Variants in FBXO41 observed in about 807,000 individuals in gnomAD.
FBXO41 encodes F-box protein 41.
Under a neutral mutation model 81.6 loss-of-function variants are expected in FBXO41, and 33 were observed. The ratio of observed to expected loss-of-function variants is 0.40; its 90% CI spans 0.31 to 0.54. The LOEUF is 0.54. Among genes scored for constraint, FBXO41 ranks in the 20% least tolerant of loss-of-function variants. The pLI, the probability that FBXO41 is intolerant of heterozygous loss-of-function variation, is 0.39. For synonymous variants in FBXO41, 576 were observed against 552.7 expected, an observed-to-expected ratio of 1.04 and a Z score of -0.59; for missense variants, 1,107 against 1,236.0, an observed-to-expected ratio of 0.90 and a Z score of 1.56.
intron 1 of FBXO41, among the ~76,000 whole-genome samples, chr2:73,275,659 T>TATTTTTC (rs1427218029): frequency 6.6e-6 from 1 of 152,188 alleles, no homozygotes; most frequent in Non-Finnish European, 1.5e-5. Flanking sequence ...CATGGCCAAT[T>TATTTTTC]ATTTTTCATC....
rs1004673053 is a variant in FBXO41 at position 73,259,696 on chromosome 2, T to C, written c.2450-400A>G. On this transcript the variant is annotated intron_variant, in intron 11 of 12. Transcript: ENST00000520530. The surrounding 1 kb of genome is among the most constrained non-coding windows in gnomAD (Gnocchi z 4.2). ...GGGCAAATACTTGGGGACAGAGGGC[T>C]TCAGGGACTGGATATGTCGTGAAGT... 6.6e-6 allele frequency among the ~76,000 whole-genome samples: 1 copy of C among 152,078 alleles called. No individual in the cohort carries two copies. Among genetic ancestry groups the C allele is most frequent in the Non-Finnish European group, 1.5e-5 (1 of 68,014 alleles).
chr2:73,266,739 CT>C lies in FBXO41; in HGVS notation c.906-58del, dbSNP rs2103880371. The C allele has an allele frequency of 2.0e-6, 3 of 1,483,460 alleles. No individual in the cohort carries two copies. The South Asian group carries it at 4.1e-5, about 20-fold the overall frequency. The allele number at this position is 1,483,460 out of a possible 1,614,324, so 91.9% of individuals were successfully genotyped here. On this transcript the variant is annotated intron_variant, in intron 2 of 12. Transcript: ENST00000520530. The surrounding 1 kb of genome is among the most constrained non-coding windows in gnomAD (Gnocchi z 5.3). The stretch of plus-strand genomic sequence containing the variant: ...CTCAGCCTGCCTGCCCACCCACCCT[CT>C]GGAGGAGAGCCTGGCCAGTGCGGGG...
chr2:73,271,021 TCCTG>T, intron 1 of FBXO41: 1 of 468,270 alleles, frequency 2.1e-6, no homozygotes, highest in Admixed American at 2.3e-5. Context: ...TTCTGCAACT[TCCTG>T]TTCTTGCTGC....
intron 1 of FBXO41, among the ~76,000 whole-genome samples, chr2:73,276,560 CAGAGAGAGAGAGAGAG>C (rs533998261): frequency 4.7e-5 from 5 of 106,416 alleles, no homozygotes; most frequent in South Asian, 3.5e-4. Context: ...CAAATCTATT[CAGAGAGAGAGAGAGAG>C]AGAGAGAGAG....
intron 1 of FBXO41, among the ~76,000 whole-genome samples, chr2:73,279,545 G>C (rs1688788526): frequency 6.6e-6 from 1 of 152,118 alleles, no homozygotes; most frequent in African/African-American, 2.4e-5. Flanking sequence ...AGGAATGTTA[G>C]GGAAGAGAGG....
chr2:73,274,824 C>T (rs978258371), intron 1 of FBXO41, among the ~76,000 whole-genome samples: 2 of 152,120 alleles, frequency 1.3e-5, no homozygotes, highest in Non-Finnish European at 2.9e-5. Flanking sequence ...CCTCAACCTC[C>T]CAAAGTGCTG....
intron 1 of FBXO41, chr2:73,271,029 T>A: frequency 2.2e-6 from 1 of 451,294 alleles, no homozygotes; most frequent in Admixed American, 2.3e-5. Context: ...CTTCCTGTTC[T>A]TGCTGCCTTC....
intron 1 of FBXO41, among the ~76,000 whole-genome samples, chr2:73,273,450 G>A (rs1688597760): frequency 6.6e-6 from 1 of 152,090 alleles, no homozygotes; most frequent in South Asian, 2.1e-4. Flanking sequence ...TTTTCCCTTT[G>A]AGAACCATTG....
chr2:73,264,401 G>A lies in FBXO41; in HGVS notation c.1683C>T (p.Phe561=). ...LKMRAALFCI[F]TYLDTRTLLH... Reference sequence around the variant, plus strand: ...GCAGTGTGCGCGTGTCCAGGTAGGTGAAGATGCAGAAGAGGGCAGCTCGCA... The same window carrying A: ...GCAGTGTGCGCGTGTCCAGGTAGGTAAAGATGCAGAAGAGGGCAGCTCGCA... Residue 561 remains phenylalanine (F), a synonymous_variant, in exon 6 of 13, where the codon TTC becomes TTT. Coordinates refer to ENST00000520530, the MANE Select transcript of FBXO41 (RefSeq NM_001371389.2). 1 of 1,613,926 alleles carries A rather than the reference G, an allele frequency of 6.2e-7. No individual in the cohort carries two copies.
chr2:73,261,119 C>G (rs1688008274), intron 9 of FBXO41, among the ~76,000 whole-genome samples: 1 of 151,536 alleles, frequency 6.6e-6, no homozygotes, highest in Non-Finnish European at 1.5e-5. Context: ...TGCAGTGGTG[C>G]AATTTCGGCT....
At chr2:73,279,322 G>A (rs895973968) in intron 1 of FBXO41, among the ~76,000 whole-genome samples, 16 of 152,178 alleles carry the variant, frequency 1.1e-4, no homozygotes, top group Non-Finnish European at 1.2e-4. Context: ...CCAGTGGGCC[G>A]TGGAAGTAGA....
rs759766727 is a variant in FBXO41 at position 73,269,202 on chromosome 2, C to T, written c.429G>A (p.Ala143=). ...AEPGLVPAAA[A]RYALREIEIP... ...TCTCGATCTCGCGCAGCGCATAGCG[C>T]GCTGCTGCGGCGGGCACAAGGCCCG... is the stretch of plus-strand genomic sequence containing the variant. The change falls in exon 2 of 13, where the codon GCG becomes GCA. Residue 143 remains alanine (A), a synonymous_variant. Transcript: ENST00000520530. This position sits in a 1 kb window ranked among gnomAD's most constrained non-coding sequence, Gnocchi z 7.0. 26 of 1,526,124 alleles carry T rather than the reference C, an allele frequency of 1.7e-5. No individual in the cohort carries two copies. Among genetic ancestry groups the T allele is most frequent in the Non-Finnish European group, 2.0e-5 (23 of 1,139,086 alleles). The allele number at this position is 1,526,124 out of a possible 1,614,324, so 94.5% of individuals were successfully genotyped here.
In FBXO41 at chr2:73,260,277, C is replaced by T; in HGVS notation, c.2449+112G>A. The stretch of plus-strand genomic sequence containing the variant: ...CTCTTAACCTGTCCCCCTGCCTCTG[C>T]CCTTGGCTGGAGACTCTGATCCATC... On this transcript the variant is annotated intron_variant, in intron 11 of 12. Coordinates refer to ENST00000520530, the MANE Select transcript of FBXO41 (RefSeq NM_001371389.2). The surrounding 1 kb of genome is among the most constrained non-coding windows in gnomAD (Gnocchi z 5.0). 2 of 1,400,828 alleles carry T rather than the reference C, an allele frequency of 1.4e-6. No individual in the cohort carries two copies. Among genetic ancestry groups the T allele is most frequent in the East Asian group, 2.5e-5 (1 of 39,918 alleles). The allele number at this position is 1,400,828 out of a possible 1,614,324, so 86.8% of individuals were successfully genotyped here.
intron 1 of FBXO41, among the ~76,000 whole-genome samples, chr2:73,275,734 T>C (rs1688663771): frequency 6.6e-6 from 1 of 152,212 alleles, no homozygotes; most frequent in African/African-American, 2.4e-5. Flanking sequence ...GAGCAAATCC[T>C]AAATATCATA....
Position 73,265,554 on chromosome 2 carries a change from G to T in FBXO41, c.1292C>A (p.Ala431Asp). The T allele has an allele frequency of 6.3e-7, 1 of 1,581,762 alleles. No individual in the cohort carries two copies. The highest frequency in any genetic ancestry group is 2.3e-5 in the East Asian group (1 of 44,426). The change falls in exon 5 of 13, where the codon GCC (alanine) becomes GAC (aspartate). Residue 431 changes from alanine (A) to aspartate (D), a missense_variant. Ala to Asp is a moderately radical substitution (Grantham distance 126). This residue lies in a region of FBXO41 where 771 missense variants were observed against 789.2 expected (regional missense o/e 0.98). Coordinates refer to ENST00000520530, the MANE Select transcript of FBXO41 (RefSeq NM_001371389.2). ...GCCCCCAGGGCCACTGTCCTCAGGG[G>T]CCCCCTCCTCTGGCCTGGGCAGCTC... ...SLELPRPEEG[A>D]PEDSGPGGLG...
In FBXO41 at chr2:73,259,131, T is replaced by G. The variant is rs766971909; in HGVS notation, c.2565+50A>C. 2 of 1,611,962 alleles carry G rather than the reference T, an allele frequency of 1.2e-6. No individual in the cohort carries two copies. Among genetic ancestry groups the G allele is most frequent in the Non-Finnish European group, 8.5e-7 (1 of 1,178,334 alleles). ...CACTCACCCAGGTCACCAGCCCCAG[T>G]CTAGGGATGCCACTTGGGGTCTTGG... On this transcript the variant is annotated intron_variant, in intron 12 of 12. Coordinates refer to ENST00000520530, the MANE Select transcript of FBXO41 (RefSeq NM_001371389.2). The surrounding 1 kb of genome is among the most constrained non-coding windows in gnomAD (Gnocchi z 4.2).
At chr2:73,283,086 C>T (rs752454636) in intron 1 of FBXO41, among the ~76,000 whole-genome samples, 1 of 152,210 alleles carries the variant, frequency 6.6e-6, no homozygotes, top group African/African-American at 2.4e-5. Context: ...GCTCTAAGCT[C>T]GGTACTTTTA....
At chr2:73,278,451 T>C (rs948094748) in intron 1 of FBXO41, among the ~76,000 whole-genome samples, 5 of 152,238 alleles carry the variant, frequency 3.3e-5, no homozygotes, top group African/African-American at 1.2e-4. Context: ...CACGAATTTA[T>C]TCTATATCTA....
chr2:73,271,328 G>A (rs1688482599), intron 1 of FBXO41: 1 of 229,864 alleles, frequency 4.4e-6, no homozygotes, highest in Non-Finnish European at 8.7e-6. Flanking sequence ...TGGTCTTGGG[G>A]ATATGACATA....
Sources: allele counts gnomAD v4.1 joint callset (sites outside exome capture counted in the v4.1 genomes callset), GRCh38; gene constraint gnomAD v4.1.1; regional missense constraint gnomAD v4.1.1; non-coding constraint Gnocchi (gnomAD v3.1); transcripts MANE v1.5; gene names NCBI Gene and HGNC (gene_info 2026-07-23, HGNC 2026-07-21).